Variants in PDCL3 observed in about 807,000 individuals in gnomAD.
The protein encoded by PDCL3 is phosducin like 3, also known as phosducin-like protein 3.
In PDCL3, 22 loss-of-function variants were observed where a neutral mutation model predicts 26.5. The ratio of observed to expected loss-of-function variants is 0.83; its 90% CI spans 0.59 to 1.19. PDCL3 has a LOEUF of 1.19. PDCL3 is among the 50% of genes most tolerant of loss of function. The pLI is 0.00. For synonymous variants in PDCL3, 81 were observed against 104.9 expected (o/e 0.77, Z 1.39); for missense variants, 246 against 294.1 (o/e 0.84, Z 1.20).
At chr2:100,572,230 G>C (rs1327359293) in intron 5 of PDCL3, among the ~76,000 whole-genome samples, 1 of 151,950 alleles carries the variant, frequency 6.6e-6, no homozygotes, top group Non-Finnish European at 1.5e-5. Flanking sequence ...TTTATTTTTT[G>C]AGACAGAGTC....
Position 100,563,035 on chromosome 2 carries a change from A to C in PDCL3, c.-33A>C, listed in dbSNP as rs1187328930. 29 of 1,594,404 alleles carry C rather than the reference A, an allele frequency of 1.8e-5. No homozygotes were observed. Among genetic ancestry groups the C allele is most frequent in the Non-Finnish European group, 2.2e-5 (26 of 1,171,064 alleles). The stretch of plus-strand genomic sequence containing the variant: ...AGCTGAGGGGCGGGGGCGCTGCGGC[A>C]CAGCTGGTTTGAGCAACTGAACTGG... On this transcript the variant is annotated 5_prime_UTR_variant, in exon 1 of 6. Transcript: ENST00000264254.
intron 1 of PDCL3, 136 bp downstream of exon 1, chr2:100,563,209 C>A: frequency 8.9e-7 from 1 of 1,121,010 alleles, no homozygotes; most frequent in Non-Finnish European, 1.2e-6. Flanking sequence ...GCGTCCAGGC[C>A]CTGCGCAGGC....
At chr2:100,571,230 G>T (rs1417658353) in intron 4 of PDCL3, among the ~76,000 whole-genome samples, 2 of 151,434 alleles carry the variant, frequency 1.3e-5, no homozygotes, top group African/African-American at 2.4e-5. Context: ...TGTATTTTTA[G>T]TAGAGATGGG....
intron 4 of PDCL3, 121 bp downstream of exon 4, chr2:100,569,842 C>G (rs1051160973): frequency 9.1e-6 from 10 of 1,102,406 alleles, no homozygotes; most frequent in Middle Eastern, 2.1e-4. Context: ...CGCAGTAGCT[C>G]ACACCTGTAA....
At chr2:100,573,399 T>C (rs542845236) in intron 5 of PDCL3, among the ~76,000 whole-genome samples, 26 of 151,770 alleles carry the variant, frequency 1.7e-4, no homozygotes, top group African/African-American at 6.3e-4. Flanking sequence ...GGCGGCCGGG[T>C]GCGGTGGCTC....
At chr2:100,568,828 T>C in intron 2 of PDCL3, 103 bp from the exon 3 acceptor site, 3 of 867,498 alleles carry the variant, frequency 3.5e-6, no homozygotes, top group Non-Finnish European at 5.7e-6. Flanking sequence ...AAGGATCTGG[T>C]GTTGTGTGCA....
intron 2 of PDCL3, among the ~76,000 whole-genome samples, chr2:100,568,128 A>T (rs1339165561): frequency 6.6e-6 from 1 of 152,156 alleles, no homozygotes; most frequent in Non-Finnish European, 1.5e-5. Context: ...GGATGCATTA[A>T]CTTGGAGATC....
chr2:100,569,583 G>A lies in PDCL3; in HGVS notation c.230G>A (p.Arg77Gln), dbSNP rs751880460. Reference sequence around the variant, plus strand: ...TCTCTCCTTGTTTTGTGCAGACGGCGGAGACTGGCTGAGTGGAAAGCAACT... The same window carrying A: ...TCTCTCCTTGTTTTGTGCAGACGGCAGAGACTGGCTGAGTGGAAAGCAACT... ...DERAIEMYRR[R>Q]RLAEWKATKL... Residue 77 changes from arginine to glutamine, a missense_variant, in exon 4 of 6, where the codon CGG (arginine) becomes CAG (glutamine). Coordinates refer to ENST00000264254, the MANE Select transcript of PDCL3 (RefSeq NM_024065.5). The A allele has an allele frequency of 3.7e-5, 59 of 1,612,780 alleles. No homozygotes were observed. The highest frequency in any genetic ancestry group is 6.7e-5 in the East Asian group (3 of 44,866).
chr2:100,563,475 C>T (rs1674995324), intron 1 of PDCL3: 1 of 173,000 alleles, frequency 5.8e-6, no homozygotes, highest in African/African-American at 2.4e-5. Flanking sequence ...TAAAGCAGCG[C>T]CACAGCCGGT....
chr2:100,566,359 T>G, intron 1 of PDCL3, 144 bp from the exon 2 acceptor site: 1 of 1,112,260 alleles, frequency 9.0e-7, no homozygotes. Flanking sequence ...GGGCTATGGA[T>G]CTTTTGACAC....
At chr2:100,575,301 A>G (rs2970998) in intron 5 of PDCL3, among the ~76,000 whole-genome samples, 1,678 of 152,030 alleles carry the variant, frequency 0.011, 12 homozygotes, top group Non-Finnish European at 0.018. Context: ...ATGCCTGGCT[A>G]ATTTTTTGTA....
intron 5 of PDCL3, among the ~76,000 whole-genome samples, chr2:100,575,198 C>G (rs546615760): frequency 5.9e-5 from 9 of 152,264 alleles, no homozygotes; most frequent in East Asian, 1.9e-4. Context: ...TGCAATGGCG[C>G]GATCTCGGCT....
At chr2:100,565,860 G>A (rs543278953) in intron 1 of PDCL3, among the ~76,000 whole-genome samples, 2 of 152,182 alleles carry the variant, frequency 1.3e-5, no homozygotes, top group African/African-American at 4.8e-5. Flanking sequence ...ATTTACATGT[G>A]GTAGATACTT....
intron 5 of PDCL3, among the ~76,000 whole-genome samples, chr2:100,575,377 C>T (rs916203280): frequency 1.9e-4 from 29 of 152,294 alleles, no homozygotes; most frequent in South Asian, 8.3e-4. Flanking sequence ...CTTCGTGATC[C>T]GCCCACCTTG....
chr2:100,573,676 A>G (rs2104397238), intron 5 of PDCL3, among the ~76,000 whole-genome samples: 1 of 152,028 alleles, frequency 6.6e-6, no homozygotes, highest in South Asian at 2.1e-4. Flanking sequence ...TATCTCAAAA[A>G]AAAAAAAAAA....
chr2:100,571,808 C>A lies in PDCL3; in HGVS notation c.577+10C>A. On this transcript the variant is annotated intron_variant, in intron 5 of 5. Coordinates refer to ENST00000264254, the MANE Select transcript of PDCL3 (RefSeq NM_024065.5). ...AACCTGACAAGAGATGGTAAGGGCT[C>A]TGGGAGACAGGCGGGGCAGTGAGAG... 6.2e-7 allele frequency: 1 copy of A among 1,613,804 alleles called. No homozygotes were observed. The highest frequency in any genetic ancestry group is 8.5e-7 in the Non-Finnish European group (1 of 1,179,818).
At chr2:100,573,445 G>A (rs949503455) in intron 5 of PDCL3, among the ~76,000 whole-genome samples, 6 of 151,930 alleles carry the variant, frequency 3.9e-5, no homozygotes, top group East Asian at 2.0e-4. Context: ...AGGCCAAGGC[G>A]GGTGGATTGC....
chr2:100,571,530 G>A, intron 4 of PDCL3, 60 bp from the exon 5 acceptor site: 1 of 1,498,654 alleles, frequency 6.7e-7, no homozygotes, highest in South Asian at 1.2e-5. Flanking sequence ...GGGTCATTGA[G>A]CTTTGTTCTG....
chr2:100,568,897 A>C (rs1209324405), intron 2 of PDCL3, 34 bp from the exon 3 acceptor site: 15 of 1,545,262 alleles, frequency 9.7e-6, no homozygotes, highest in Non-Finnish European at 1.3e-5. Context: ...CATCTTTTTA[A>C]ATTTTTGCTT....
Sources: allele counts gnomAD v4.1 joint callset (sites outside exome capture counted in the v4.1 genomes callset), GRCh38; gene constraint gnomAD v4.1.1; transcripts MANE v1.5; gene names NCBI Gene and HGNC (gene_info 2026-07-23, HGNC 2026-07-21).